Variants in FGF12 observed in about 807,000 individuals in gnomAD.
FGF12 encodes the protein fibroblast growth factor 12B.
Under a neutral mutation model 23.6 loss-of-function variants are expected in FGF12, and 14 were observed. The observed-to-expected ratio is 0.59, with a 90% CI of 0.39 to 0.93. FGF12 has a LOEUF of 0.93. Ranked by LOEUF, FGF12 falls within the 40% of genes least tolerant of loss-of-function variation. The pLI is 0.00. For missense variants in FGF12, 175 were observed against 217.8 expected, an observed-to-expected ratio of 0.80 and a Z score of 1.24; for synonymous variants, 62 against 77.3, an observed-to-expected ratio of 0.80 and a Z score of 1.04.
chr3:192,683,965 T>G (rs1717638445), intron 2 of FGF12, among the ~76,000 whole-genome samples: 1 of 152,198 alleles, frequency 6.6e-6, no homozygotes, highest in Non-Finnish European at 1.5e-5. Flanking sequence ...TTGTGAAAGG[T>G]CAACTTAAGT....
chr3:192,296,658 G>A (rs1371115235), intron 4 of FGF12, among the ~76,000 whole-genome samples: 1 of 151,984 alleles, frequency 6.6e-6, no homozygotes, highest in Non-Finnish European at 1.5e-5. Context: ...AACATTATTA[G>A]GTCTTCATAA....
At chr3:192,173,635 AT>A (rs199830196) in intron 4 of FGF12, among the ~76,000 whole-genome samples, 3 of 151,636 alleles carry the variant, frequency 2.0e-5, no homozygotes, top group South Asian at 2.1e-4. Flanking sequence ...GCTTTTTATT[AT>A]TTTTTTTTCT....
At chr3:192,384,932 C>G (rs189370233) in intron 2 of FGF12, among the ~76,000 whole-genome samples, 1 of 152,276 alleles carries the variant, frequency 6.6e-6, no homozygotes, top group East Asian at 1.9e-4. Flanking sequence ...CTCTGTCACT[C>G]TCATTTGGGT....
chr3:192,401,069 ATT>A (rs1184466376), intron 2 of FGF12, among the ~76,000 whole-genome samples: 1 of 152,262 alleles, frequency 6.6e-6, no homozygotes, highest in Non-Finnish European at 1.5e-5. Context: ...TCAAATAATT[ATT>A]TGTTTATTAA....
intron 4 of FGF12, among the ~76,000 whole-genome samples, chr3:192,211,472 C>G (rs1359244013): frequency 6.6e-6 from 1 of 150,426 alleles, no homozygotes; most frequent in Admixed American, 6.6e-5. Context: ...GTGGCCGAGG[C>G]TGGAGTGCAG....
intron 2 of FGF12, among the ~76,000 whole-genome samples, chr3:192,597,526 G>C (rs1713911443): frequency 6.8e-6 from 1 of 147,794 alleles, no homozygotes; most frequent in Non-Finnish European, 1.5e-5. Flanking sequence ...GGGGAAAAAA[G>C]GAGAAAATGG....
chr3:192,294,896 C>T (rs910321994), intron 4 of FGF12, among the ~76,000 whole-genome samples: 2 of 152,096 alleles, frequency 1.3e-5, no homozygotes, highest in African/African-American at 4.8e-5. Context: ...ACTAAGAAGT[C>T]ATCAAGAGGT....
chr3:192,498,987 C>T (rs1165552148), intron 2 of FGF12, among the ~76,000 whole-genome samples: 1 of 152,114 alleles, frequency 6.6e-6, no homozygotes, highest in African/African-American at 2.4e-5. Flanking sequence ...GCCAAAGAAG[C>T]TGTAAGATTC....
chr3:192,240,443 A>G (rs1245040775), intron 4 of FGF12, among the ~76,000 whole-genome samples: 2 of 152,194 alleles, frequency 1.3e-5, no homozygotes, highest in Admixed American at 1.3e-4. Flanking sequence ...ACCAATATAA[A>G]TATGTTTATC....
At chr3:192,209,894 C>T (rs923927438) in intron 4 of FGF12, among the ~76,000 whole-genome samples, 8 of 152,184 alleles carry the variant, frequency 5.3e-5, no homozygotes, top group Non-Finnish European at 7.3e-5. Context: ...AGGTTCTACA[C>T]GTGAACATTA....
intron 4 of FGF12, among the ~76,000 whole-genome samples, chr3:192,305,679 A>ATATAT (rs1553794685): frequency 0.011 from 1,391 of 131,844 alleles, 20 homozygotes; most frequent in African/African-American, 0.029. Flanking sequence ...AAAAAAAAAA[A>ATATAT]ATATATATAT....
At chr3:192,525,770 G>GT (rs145420980) in intron 2 of FGF12, among the ~76,000 whole-genome samples, 2 of 151,934 alleles carry the variant, frequency 1.3e-5, no homozygotes, top group Non-Finnish European at 2.9e-5. Context: ...GAGTCTCACC[G>GT]TTTTTTTCTT....
intron 2 of FGF12, among the ~76,000 whole-genome samples, chr3:192,377,626 G>C (rs1353447297): frequency 6.6e-6 from 1 of 152,122 alleles, no homozygotes; most frequent in East Asian, 1.9e-4. Flanking sequence ...ATTGTGGTTA[G>C]AACTGTGCAA....
chr3:192,689,387 C>T lies in FGF12; in HGVS notation c.13+37794G>A, dbSNP rs564133825. 3.3e-5 allele frequency among the ~76,000 whole-genome samples: 5 copies of T among 152,064 alleles called. No homozygotes were observed. The South Asian group carries it at 1.0e-3, about 32-fold the overall frequency. On this transcript the variant is annotated intron_variant, in intron 2 of 5. Transcript: ENST00000445105. ...AATATGTATCGTTTTAAAAGAAGTT[C>T]AGCAAACAAGAGAGCACAAAAAACA... is the stretch of plus-strand genomic sequence containing the variant.
At chr3:192,257,987 G>A (rs1331910585) in intron 4 of FGF12, among the ~76,000 whole-genome samples, 5 of 149,508 alleles carry the variant, frequency 3.3e-5, no homozygotes, top group African/African-American at 1.2e-4. Context: ...CAGAACCAGT[G>A]AAGCTTGCAT....
At chr3:192,247,368 C>T (rs1462579890) in intron 4 of FGF12, among the ~76,000 whole-genome samples, 4 of 152,082 alleles carry the variant, frequency 2.6e-5, no homozygotes, top group Non-Finnish European at 5.9e-5. Flanking sequence ...GCTAAAAAAA[C>T]ATTCATTCAG....
chr3:192,309,722 T>A (rs539402402), intron 4 of FGF12, among the ~76,000 whole-genome samples: 7 of 152,190 alleles, frequency 4.6e-5, no homozygotes, highest in Middle Eastern at 3.4e-3. Context: ...ACTGAGTGCA[T>A]GGAAAGTTGA....
At chr3:192,249,540 T>TA (rs1232815202) in intron 4 of FGF12, among the ~76,000 whole-genome samples, 2 of 149,178 alleles carry the variant, frequency 1.3e-5, no homozygotes, top group African/African-American at 4.9e-5. Flanking sequence ...AAGAGAGGAG[T>TA]TTTTTTTTTC....
rs1009344919 is a variant in FGF12, at chr3:192,307,331, T to C, written c.228+28030A>G. Among the ~76,000 whole-genome samples, 3 of 152,346 alleles carry C rather than the reference T, an allele frequency of 2.0e-5. No homozygotes were observed. In the East Asian group the frequency reaches 5.8e-4, roughly 29 times the overall value. ...AAAAAGGCACAATAAATAGAAAATG[T>C]TCCTTATCGTCACCTCCAGGGTACG... On this transcript the variant is annotated intron_variant, in intron 4 of 5. Coordinates refer to ENST00000445105, the MANE Select transcript of FGF12 (RefSeq NM_004113.6).
Sources: allele counts gnomAD v4.1 joint callset (sites outside exome capture counted in the v4.1 genomes callset), GRCh38; gene constraint gnomAD v4.1.1; transcripts MANE v1.5; gene names NCBI Gene and HGNC (gene_info 2026-07-23, HGNC 2026-07-21).